Variants in CHID1 observed in about 807,000 individuals in gnomAD.
CHID1 encodes chitinase domain-containing protein 1.
Under a neutral mutation model 55.4 loss-of-function variants are expected in CHID1, and 44 were observed. The observed-to-expected ratio is 0.79, with a 90% CI of 0.62 to 1.02. CHID1 has a LOEUF of 1.02. Ranked by LOEUF, CHID1 falls within the 50% of genes least tolerant of loss-of-function variation. The pLI is 0.00. For missense variants in CHID1, 491 were observed against 515.3 expected, an observed-to-expected ratio of 0.95 and a Z score of 0.46; for synonymous variants, 216 against 212.9, an observed-to-expected ratio of 1.01 and a Z score of -0.13.
rs762342913 is a variant in CHID1 at position 871,417 on chromosome 11, AGAG to A, written c.960-921_960-919del. 2.5e-4 allele frequency among the ~76,000 whole-genome samples: 33 copies of A among 129,814 alleles called. 1 individual carries two copies. The highest frequency in any genetic ancestry group is 1.2e-3 in the Admixed American group (15 of 12,584). 85.2% of individuals were successfully genotyped at this position (129,814 alleles called of 152,430 possible). A position where few individuals can be genotyped will look rare whatever the true frequency, so the allele number is the denominator to read the frequency against. On this transcript the variant is annotated intron_variant, in intron 10 of 12. Transcript: ENST00000323578. The stretch of plus-strand genomic sequence containing the variant: ...TTGAGAACCACCCCCTCCTTCACAC[AGAG>A]GACAGGCTCATTCCCAAGGTGCTGG...
upstream of CHID1, chr11:914,518 C>G (rs772143222): frequency 4.6e-5 from 59 of 1,288,722 alleles, no homozygotes; most frequent in South Asian, 6.8e-4. Flanking sequence ...GACCCCATGC[C>G]TTACCTGGGA....
chr11:909,039 T>C (rs1278900879), intron 1 of CHID1, among the ~76,000 whole-genome samples: 1 of 152,238 alleles, frequency 6.6e-6, no homozygotes, highest in Admixed American at 6.5e-5. Context: ...TACAGGCTGC[T>C]CACAAATGCT....
chr11:905,887 A>G (rs2134356480), intron 1 of CHID1, among the ~76,000 whole-genome samples: 1 of 152,356 alleles, frequency 6.6e-6, no homozygotes, highest in African/African-American at 2.4e-5. Context: ...TCATTCAGGA[A>G]ATAAAGAAGG....
intron 7 of CHID1, among the ~76,000 whole-genome samples, chr11:894,006 G>A (rs981010793): frequency 4.0e-5 from 6 of 151,642 alleles, no homozygotes; most frequent in South Asian, 4.2e-4. Context: ...CCTGTAATCC[G>A]AGCTACTCAG....
intron 8 of CHID1, among the ~76,000 whole-genome samples, chr11:889,313 G>A (rs1850633439): frequency 1.3e-5 from 2 of 152,176 alleles, no homozygotes; most frequent in Admixed American, 6.5e-5. Context: ...TCCTGACACT[G>A]GGCCCACGTG....
chr11:879,654 C>G (rs558450262), intron 10 of CHID1, among the ~76,000 whole-genome samples: 1 of 152,340 alleles, frequency 6.6e-6, no homozygotes, highest in African/African-American at 2.4e-5. Context: ...TTCAGCTGCC[C>G]CATCTATGGT....
chr11:886,995 T>C (rs1167405551), intron 8 of CHID1, among the ~76,000 whole-genome samples: 1 of 152,210 alleles, frequency 6.6e-6, no homozygotes, highest in Non-Finnish European at 1.5e-5. Flanking sequence ...CCAGGTCTCC[T>C]GCCCGCTGTT....
Position 904,709 on chromosome 11 carries a change from C to G in CHID1, c.108G>C (p.Glu36Asp). Residue 36 changes from glutamate to aspartate, a missense_variant, in exon 2 of 13, where the codon GAG (glutamate) becomes GAC (aspartate). By Grantham distance (45) the Glu-to-Asp change is conservative. Transcript: ENST00000323578. ...AKKAASKTLL[E>D]KSQFSDKPVQ... is the part of the protein sequence containing the mutation. Reference sequence around the variant, plus strand: ...CAAGTCCCCAGGCCACCCTTACCTTCTCCAGCAGCGTCTTTGAGGCGGCTT... The same window carrying G: ...CAAGTCCCCAGGCCACCCTTACCTTGTCCAGCAGCGTCTTTGAGGCGGCTT... 1 of 1,614,136 alleles carries G rather than the reference C, an allele frequency of 6.2e-7. No individual in the cohort carries two copies. The highest frequency in any genetic ancestry group is 1.3e-5 in the African/African-American group (1 of 75,058).
In CHID1 at chr11:907,792, C is replaced by G. The variant is rs571661405; in HGVS notation, c.-43-2933G>C. 5.3e-5 allele frequency among the ~76,000 whole-genome samples: 8 copies of G among 152,292 alleles called. No individual in the cohort carries two copies. The East Asian group carries it at 1.5e-3, about 29-fold the overall frequency. On this transcript the variant is annotated intron_variant, in intron 1 of 12. Transcript: ENST00000323578. The stretch of plus-strand genomic sequence containing the variant: ...ACAGGCTCCTGAGTATATGGGAGCT[C>G]AGGCCCAAGAGGCTCCAGGAACCCC...
chr11:870,806 A>G (rs1264206109), intron 10 of CHID1: 3 of 323,766 alleles, frequency 9.3e-6, no homozygotes, highest in Non-Finnish European at 1.8e-5. Flanking sequence ...GGTGACCCTC[A>G]GGCCGCGCAG....
At chr11:881,983 G>A (rs1185763606) in intron 10 of CHID1, among the ~76,000 whole-genome samples, 2 of 139,146 alleles carry the variant, frequency 1.4e-5, no homozygotes, top group Admixed American at 7.6e-5. Flanking sequence ...CAGCCTGGAC[G>A]ACAGGGTGAG....
intron 10 of CHID1, among the ~76,000 whole-genome samples, chr11:876,779 G>A (rs1415700595): frequency 1.3e-5 from 2 of 152,228 alleles, no homozygotes; most frequent in African/African-American, 4.8e-5. Flanking sequence ...CCTTGCGGGA[G>A]GTGGCCCTGC....
chr11:869,649 C>T lies in CHID1; in HGVS notation c.*209G>A, dbSNP rs576955010. The T allele has an allele frequency of 1.9e-5, 11 of 593,624 alleles. No homozygotes were observed. Among genetic ancestry groups the T allele is most frequent in the South Asian group, 8.2e-5 (4 of 49,028 alleles). 36.8% of individuals were successfully genotyped at this position (593,624 alleles called of 1,614,324 possible). A position where few individuals can be genotyped will look rare whatever the true frequency, so the allele number is the denominator to read the frequency against. ...AGCGGATGCCCGGGTGGGAGGGGCT[C>T]GAGCTCTCAGGGTGTCCCCCAGCTA... is the stretch of plus-strand genomic sequence containing the variant. On this transcript the variant is annotated 3_prime_UTR_variant, in exon 13 of 13. Coordinates refer to ENST00000323578, the MANE Select transcript of CHID1 (RefSeq NM_023947.4).
chr11:891,368 T>C (rs991632368), intron 8 of CHID1, among the ~76,000 whole-genome samples: 99 of 152,264 alleles, frequency 6.5e-4, no homozygotes, highest in African/African-American at 2.2e-3. Context: ...ACCCTACAGC[T>C]GCAACCCCCA....
At chr11:901,097 G>C (rs1851777155) in intron 4 of CHID1, 117 bp from the exon 5 acceptor site, 1 of 917,448 alleles carries the variant, frequency 1.1e-6, no homozygotes, top group Non-Finnish European at 1.6e-6. Context: ...GGCAGGGGCG[G>C]GCAGGCAGGT....
chr11:871,280 C>T (rs1294055006), intron 10 of CHID1, among the ~76,000 whole-genome samples: 4 of 152,122 alleles, frequency 2.6e-5, no homozygotes, highest in East Asian at 1.9e-4. Context: ...CGTGAGCCAC[C>T]GCGCCTGGCC....
chr11:909,986 G>T (rs544335139), intron 1 of CHID1, among the ~76,000 whole-genome samples: 1 of 151,808 alleles, frequency 6.6e-6, no homozygotes, highest in Non-Finnish European at 1.5e-5. Flanking sequence ...CTTAAGCCCA[G>T]AAGCGGAGGT....
chr11:893,249 C>A (rs1338820664), intron 8 of CHID1, among the ~76,000 whole-genome samples, 178 bp downstream of exon 8: 4 of 152,244 alleles, frequency 2.6e-5, no homozygotes, highest in Admixed American at 6.5e-5. Flanking sequence ...GACTTGGAGC[C>A]TTCTCTGTGC....
chr11:893,288 G>T, intron 8 of CHID1, 139 bp downstream of exon 8: 1 of 633,214 alleles, frequency 1.6e-6, no homozygotes. Context: ...GTGTGTGGCA[G>T]CTGAAGCCTC....
Sources: allele counts gnomAD v4.1 joint callset (sites outside exome capture counted in the v4.1 genomes callset), GRCh38; gene constraint gnomAD v4.1.1; transcripts MANE v1.5; gene names NCBI Gene and HGNC (gene_info 2026-07-23, HGNC 2026-07-21).